The following MBOAT1 variants were observed in gnomAD, a reference collection of about 807,000 sequenced individuals.
MBOAT1 encodes the protein membrane-bound glycerophospholipid O-acyltransferase 1.
A neutral mutation model predicts 64.4 loss-of-function variants in MBOAT1; 67 were observed. The ratio of observed to expected loss-of-function variants is 1.04; its 90% CI spans 0.85 to 1.27. The LOEUF (loss-of-function observed/expected upper bound fraction) is 1.27. Ranked by LOEUF, MBOAT1 falls within the 50% of genes most tolerant of loss-of-function variation. MBOAT1 has a pLI of 0.00. For synonymous variants in MBOAT1, 229 were observed against 218.9 expected (o/e 1.05, Z -0.41); for missense variants, 563 against 604.6 (o/e 0.93, Z 0.72).
At chr6:20,162,477 T>C (rs1024673015) in intron 1 of MBOAT1, among the ~76,000 whole-genome samples, 7 of 152,206 alleles carry the variant, frequency 4.6e-5, no homozygotes, top group Non-Finnish European at 1.0e-4. Context: ...GGCTTACACA[T>C]GTTGAGAAAG....
At chr6:20,127,895 G>C (rs1581408064) in intron 6 of MBOAT1, among the ~76,000 whole-genome samples, 1 of 152,152 alleles carries the variant, frequency 6.6e-6, no homozygotes, top group East Asian at 1.9e-4. Context: ...ACAGGTTGGA[G>C]ACTGCTGCCC....
intron 1 of MBOAT1, among the ~76,000 whole-genome samples, chr6:20,179,174 C>G (rs1284547700): frequency 1.3e-5 from 2 of 151,660 alleles, no homozygotes; most frequent in African/African-American, 4.8e-5. Context: ...TTGCAACAAC[C>G]CTCAATGTGC....
At chr6:20,147,711 T>C (rs1761368896) in intron 3 of MBOAT1, among the ~76,000 whole-genome samples, 1 of 151,942 alleles carries the variant, frequency 6.6e-6, no homozygotes. Flanking sequence ...TGGAAATTCA[T>C]CAAACTGTTT....
chr6:20,149,236 A>G (rs1420207359), intron 3 of MBOAT1, among the ~76,000 whole-genome samples: 1 of 152,108 alleles, frequency 6.6e-6, no homozygotes, highest in Non-Finnish European at 1.5e-5. Flanking sequence ...TGTAAACCAC[A>G]TGGCTCTGCC....
At chr6:20,183,075 A>C (rs886252838) in intron 1 of MBOAT1, among the ~76,000 whole-genome samples, 6 of 152,162 alleles carry the variant, frequency 3.9e-5, no homozygotes, top group Admixed American at 6.5e-5. Context: ...CTCTCCAGAG[A>C]GGCCAACCTG....
intron 1 of MBOAT1, among the ~76,000 whole-genome samples, chr6:20,158,589 C>T (rs1761762471): frequency 6.6e-6 from 1 of 152,104 alleles, no homozygotes; most frequent in Non-Finnish European, 1.5e-5. Flanking sequence ...GCACACCAAA[C>T]TAAAACGGCT....
At chr6:20,118,041 C>T (rs914336083) in intron 9 of MBOAT1, among the ~76,000 whole-genome samples, 11 of 152,090 alleles carry the variant, frequency 7.2e-5, no homozygotes, top group East Asian at 3.9e-4. Flanking sequence ...CCACATAGAA[C>T]GTTTGCAATA....
chr6:20,204,028 A>G (rs1018013592), intron 1 of MBOAT1, among the ~76,000 whole-genome samples: 4 of 152,244 alleles, frequency 2.6e-5, no homozygotes, highest in African/African-American at 9.6e-5. Context: ...TTCATGAATC[A>G]CTAATAAAAG....
rs1759768665 is a variant in MBOAT1, at chr6:20,100,894, A to ACC, written c.*1390_*1391dup. On this transcript the variant is annotated 3_prime_UTR_variant, in exon 13 of 13. Coordinates refer to ENST00000324607, the MANE Select transcript of MBOAT1 (RefSeq NM_001080480.3). ...GTTTCCTTCTCTCACATAGAATATT[A>ACC]CCCAATAGAAGTCTCCAAAAGGGGC... 6.6e-6 allele frequency among the ~76,000 whole-genome samples: 1 copy of ACC among 152,212 alleles called. No homozygotes were observed. Among genetic ancestry groups the ACC allele is most frequent in the Non-Finnish European group, 1.5e-5 (1 of 68,042 alleles).
chr6:20,208,746 T>C (rs867894264), intron 1 of MBOAT1, among the ~76,000 whole-genome samples: 2 of 152,082 alleles, frequency 1.3e-5, no homozygotes, highest in Non-Finnish European at 2.9e-5. Flanking sequence ...TCATACTTCA[T>C]GCACACACAC....
At chr6:20,204,501 T>C (rs1763205119) in intron 1 of MBOAT1, among the ~76,000 whole-genome samples, 1 of 151,628 alleles carries the variant, frequency 6.6e-6, no homozygotes, top group South Asian at 2.1e-4. Context: ...GGCAGAGCAA[T>C]GTGATATGGA....
chr6:20,111,859 C>CATATATATACATATATATACAT (rs1760170337), intron 11 of MBOAT1, among the ~76,000 whole-genome samples: 30 of 108,428 alleles, frequency 2.8e-4, no homozygotes, highest in Non-Finnish European at 4.5e-4. Flanking sequence ...TATATATATA[C>CATATATATACATATATATACAT]ATATATATAC....
chr6:20,192,698 C>T (rs759238986), intron 1 of MBOAT1, among the ~76,000 whole-genome samples: 2 of 152,214 alleles, frequency 1.3e-5, no homozygotes, highest in Non-Finnish European at 2.9e-5. Context: ...ACCTTTCCCA[C>T]GCTTCCCCAA....
At chr6:20,111,848 A>ATATATACG (rs1760164049) in intron 11 of MBOAT1, among the ~76,000 whole-genome samples, 8 of 87,596 alleles carry the variant, frequency 9.1e-5, no homozygotes, top group African/African-American at 3.9e-4. Flanking sequence ...ATATATATAC[A>ATATATACG]TATATATATA....
Position 20,144,137 on chromosome 6 carries a change from T to G in MBOAT1, c.419+83A>C, listed in dbSNP as rs1297818837. ...TTTAACCAAGCACCAACGATTCTTT[T>G]GTGCACCCTTGATGTTTACAGACCC... On this transcript the variant is annotated intron_variant, in intron 4 of 12. Coordinates refer to ENST00000324607, the MANE Select transcript of MBOAT1 (RefSeq NM_001080480.3). 4.7e-6 allele frequency: 4 copies of G among 850,102 alleles called. No homozygotes were observed. In the African/African-American group the frequency reaches 5.1e-5, roughly 11 times the overall value. The allele number at this position is 850,102 out of a possible 1,614,324, so 52.7% of individuals were successfully genotyped here.
intron 1 of MBOAT1, among the ~76,000 whole-genome samples, chr6:20,197,528 C>T (rs1762991448): frequency 6.6e-6 from 1 of 152,138 alleles, no homozygotes; most frequent in Non-Finnish European, 1.5e-5. Context: ...AGTGACTGTT[C>T]CTCTATGCTC....
chr6:20,130,256 T>C (rs1207081266), intron 5 of MBOAT1, among the ~76,000 whole-genome samples: 2 of 152,212 alleles, frequency 1.3e-5, no homozygotes, highest in East Asian at 1.9e-4. Context: ...GTTTGAACAA[T>C]GTAAATCACA....
intron 4 of MBOAT1, among the ~76,000 whole-genome samples, chr6:20,139,697 G>T (rs943582986): frequency 6.6e-6 from 1 of 151,376 alleles, no homozygotes; most frequent in Non-Finnish European, 1.5e-5. Context: ...GGGACTACAG[G>T]TACACACCAC....
At position 20,152,871 on chromosome 6, in the gene MBOAT1, C is replaced by G. The variant is rs566630104; in HGVS notation, c.100-102G>C. The G allele has an allele frequency of 3.0e-6, 4 of 1,335,030 alleles. No individual in the cohort carries two copies. In the African/African-American group the frequency reaches 4.4e-5, roughly 15 times the overall value. 82.7% of individuals were successfully genotyped at this position (1,335,030 alleles called of 1,614,324 possible). Reference sequence around the variant, plus strand: ...GTTTTGAGACGGAGTCTCGTTCTGTCGCCCAGGCTGGAGTGCAGTGGCGCA... The same window carrying G: ...GTTTTGAGACGGAGTCTCGTTCTGTGGCCCAGGCTGGAGTGCAGTGGCGCA... On this transcript the variant is annotated intron_variant, in intron 1 of 12. Transcript: ENST00000324607.
Sources: allele counts gnomAD v4.1 joint callset (sites outside exome capture counted in the v4.1 genomes callset), GRCh38; gene constraint gnomAD v4.1.1; transcripts MANE v1.5; gene names NCBI Gene and HGNC (gene_info 2026-07-23, HGNC 2026-07-21).